The following ADAMTS17 variants were observed in gnomAD, a reference collection of about 807,000 sequenced individuals.
ADAMTS17 encodes the protein ADAM metallopeptidase with thrombospondin type 1 motif 17.
ADAMTS17 carries 113 observed loss-of-function variants against 141.5 expected under a neutral mutation model. The ratio of observed to expected loss-of-function variants is 0.80; its 90% CI spans 0.69 to 0.93. The LOEUF (loss-of-function observed/expected upper bound fraction) is 0.93. ADAMTS17 is among the 40% of genes least tolerant of loss of function. ADAMTS17 has a pLI of 0.00. For synonymous variants in ADAMTS17, 768 were observed against 630.6 expected (o/e 1.22, Z -3.27); for missense variants, 1,659 against 1,517.9 (o/e 1.09, Z -1.54).
chr15:100,263,912 C>G (rs545682679), intron 4 of ADAMTS17, among the ~76,000 whole-genome samples: 17 of 152,222 alleles, frequency 1.1e-4, no homozygotes, highest in Non-Finnish European at 2.4e-4. Context: ...AGGGTCAACT[C>G]AGGCCGAGTG....
At chr15:100,191,208 T>G (rs1429032887) in intron 8 of ADAMTS17, among the ~76,000 whole-genome samples, 1 of 152,178 alleles carries the variant, frequency 6.6e-6, no homozygotes, top group Non-Finnish European at 1.5e-5. Context: ...ACCTGATAAT[T>G]AAATGCAAAG....
intron 8 of ADAMTS17, among the ~76,000 whole-genome samples, chr15:100,173,108 T>C (rs1022261159): frequency 3.9e-5 from 6 of 152,238 alleles, no homozygotes; most frequent in African/African-American, 1.4e-4. Context: ...GTGACGCTGA[T>C]GCTGCTGGTC....
At chr15:100,247,864 C>G (rs377274013) in intron 7 of ADAMTS17, among the ~76,000 whole-genome samples, 1 of 152,046 alleles carries the variant, frequency 6.6e-6, no homozygotes, top group Non-Finnish European at 1.5e-5. Flanking sequence ...CAAACACCAC[C>G]GTCCTGGCCA....
At chr15:100,047,514 C>G (rs987242272) in intron 18 of ADAMTS17, among the ~76,000 whole-genome samples, 7 of 151,748 alleles carry the variant, frequency 4.6e-5, no homozygotes, top group Non-Finnish European at 5.9e-5. Flanking sequence ...TGTACTCTGT[C>G]CCTTTATTTC....
Position 99,976,064 on chromosome 15 carries a change from GGT to G in ADAMTS17, c.3106_3107del (p.Thr1036HisfsTer102). 6.4e-7 allele frequency: 1 copy of G among 1,551,178 alleles called. No individual in the cohort carries two copies. Among genetic ancestry groups the G allele is most frequent in the Non-Finnish European group, 8.7e-7 (1 of 1,146,636 alleles). ...ACTCACCAAGGCGGGGGGAGGTGAT[GGT>G]GTTGGCGTTGATCCTGTCGTTGCAG... ...EVCNDRINANTITSPRLAALT... is the reference protein window; with the variant it reads ...EVCNDRINANXITSPRLAALT... On this transcript the variant is annotated frameshift_variant, in exon 21 of 22. Coordinates refer to ENST00000268070, the MANE Select transcript of ADAMTS17 (RefSeq NM_139057.4). LOFTEE classifies it high-confidence loss of function.
chr15:100,099,529 A>G (rs966237746), intron 14 of ADAMTS17, among the ~76,000 whole-genome samples: 2 of 152,208 alleles, frequency 1.3e-5, no homozygotes, highest in African/African-American at 4.8e-5. Context: ...ACTCCAGGCA[A>G]TAAACTCTCT....
chr15:100,154,002 G>A (rs375587537), intron 9 of ADAMTS17, among the ~76,000 whole-genome samples: 478 of 152,346 alleles, frequency 3.1e-3, no homozygotes, highest in African/African-American at 0.01. Context: ...CCAACATGGC[G>A]AAACCCCATC....
intron 18 of ADAMTS17, among the ~76,000 whole-genome samples, chr15:100,040,363 A>G (rs1404913803): frequency 6.6e-6 from 1 of 152,096 alleles, no homozygotes; most frequent in Admixed American, 6.6e-5. Context: ...TTTCTGAGAG[A>G]TCGCTTTGTA....
intron 3 of ADAMTS17, among the ~76,000 whole-genome samples, chr15:100,291,556 G>A (rs1445266088): frequency 7.2e-5 from 11 of 151,998 alleles, no homozygotes; most frequent in Non-Finnish European, 4.4e-5. Context: ...GTTCATCACA[G>A]CACGATTCAC....
At position 100,254,189 on chromosome 15, in the gene ADAMTS17, A is replaced by T. The variant is rs1371155850; in HGVS notation, c.1032-10T>A. ...TACACAGAAATCTGTCCTAAAAAAT[A>T]AAAAAGCCATCATCAGGTATATGCA... On this transcript the variant is annotated splice_polypyrimidine_tract_variant and intron_variant, in intron 6 of 21. Coordinates refer to ENST00000268070, the MANE Select transcript of ADAMTS17 (RefSeq NM_139057.4). 2.5e-6 allele frequency: 4 copies of T among 1,612,488 alleles called. No individual in the cohort carries two copies. The highest frequency in any genetic ancestry group is 3.4e-6 in the Non-Finnish European group (4 of 1,178,736).
Position 100,199,423 on chromosome 15 carries a change from C to T in ADAMTS17, c.1076G>A (p.Gly359Glu), listed in dbSNP as rs2041236927. The T allele has an allele frequency of 1.2e-6, 2 of 1,613,766 alleles. No individual in the cohort carries two copies. Among genetic ancestry groups the T allele is most frequent in the African/African-American group, 1.3e-5 (1 of 74,912 alleles). Residue 359 changes from glycine to glutamate, a missense_variant and splice_region_variant, in exon 8 of 22, where the codon GGA becomes GAA. Physicochemically the swap from Gly to Glu is moderately conservative, Grantham distance 98 (BLOSUM62 -2). Transcript: ENST00000268070. ...VHKDEPCDTV[G>E]IAYLGGVCSA... The stretch of plus-strand genomic sequence containing the variant: ...GCACACACCTCCTAAGTAAGCAATT[C>T]CTGCAGCAGAGACACAAAACACATC...
intron 18 of ADAMTS17, 49 bp downstream of exon 18, chr15:100,048,808 T>G: frequency 6.2e-7 from 1 of 1,613,692 alleles, no homozygotes; most frequent in Non-Finnish European, 8.5e-7. Flanking sequence ...CTGATGGTGC[T>G]GCCGCCCCAG....
chr15:100,318,104 G>A (rs1596511494), intron 3 of ADAMTS17, among the ~76,000 whole-genome samples: 1 of 152,146 alleles, frequency 6.6e-6, no homozygotes, highest in Admixed American at 6.5e-5. Flanking sequence ...ACGGGTCAGA[G>A]TGCATGATCT....
chr15:100,061,622 C>T lies in ADAMTS17; in HGVS notation c.2138-7568G>A, dbSNP rs190160925. Among the ~76,000 whole-genome samples the T allele has an allele frequency of 9.8e-4, 149 of 152,316 alleles. 1 individual carries two copies. The highest frequency in any genetic ancestry group is 3.3e-3 in the African/African-American group (136 of 41,572). On this transcript the variant is annotated intron_variant, in intron 15 of 21. Transcript: ENST00000268070. ...AAGGATTCTAACATCCTCTGTCATTCTAAAATTACCATGCAAAAGTGGAGA... is the reference window on the plus strand; with the variant it reads ...AAGGATTCTAACATCCTCTGTCATTTTAAAATTACCATGCAAAAGTGGAGA...
intron 3 of ADAMTS17, among the ~76,000 whole-genome samples, chr15:100,318,748 G>C (rs2141894669): frequency 6.6e-6 from 1 of 152,328 alleles, no homozygotes; most frequent in South Asian, 2.1e-4. Context: ...GTAAGTGAGT[G>C]AATGATCTGA....
rs144878606 is a variant in ADAMTS17, at chr15:100,207,966, A to T, written c.1076-8543T>A. On this transcript the variant is annotated intron_variant, in intron 7 of 21. Coordinates refer to ENST00000268070, the MANE Select transcript of ADAMTS17 (RefSeq NM_139057.4). Reference sequence around the variant, plus strand: ...AGCCTTGGAGGGAGGAGTCAGTTTTAAAAGACTCTTATAAAAGTAATATAC... The same window carrying T: ...AGCCTTGGAGGGAGGAGTCAGTTTTTAAAGACTCTTATAAAAGTAATATAC... Among the ~76,000 whole-genome samples, 459 of 152,334 alleles carry T rather than the reference A, an allele frequency of 3.0e-3. 3 individuals carry two copies. Among genetic ancestry groups the T allele is most frequent in the African/African-American group, 0.01 (434 of 41,578 alleles).
chr15:100,067,732 AC>A (rs1177001866), intron 15 of ADAMTS17, among the ~76,000 whole-genome samples: 1 of 152,018 alleles, frequency 6.6e-6, no homozygotes, highest in African/African-American at 2.4e-5. Context: ...TTATCTTTTA[AC>A]CGTTTATTAA....
chr15:100,305,107 G>T (rs1003986733), intron 3 of ADAMTS17, among the ~76,000 whole-genome samples: 5 of 152,072 alleles, frequency 3.3e-5, no homozygotes, highest in Middle Eastern at 3.2e-3. Context: ...ATTTTCAACT[G>T]CATGTTGTGG....
chr15:100,074,747 C>G (rs2034246500), intron 15 of ADAMTS17, among the ~76,000 whole-genome samples: 1 of 152,036 alleles, frequency 6.6e-6, no homozygotes, highest in South Asian at 2.1e-4. Context: ...AGGAGTATTT[C>G]TATGCTTCTA....
Sources: gnomAD v4.1 joint callset for allele counts (sites outside exome capture counted in the v4.1 genomes callset) on GRCh38, gnomAD v4.1.1 for gene constraint, MANE v1.5 for transcripts, NCBI Gene and HGNC (gene_info 2026-07-23, HGNC 2026-07-21) for gene names.